NLRP8: variants seen among roughly 807,000 people sequenced by gnomAD.
NLRP8 encodes NLR family pyrin domain containing 8.
In NLRP8, 86 loss-of-function variants were observed where a neutral mutation model predicts 88.7. The observed-to-expected ratio is 0.97, with a 90% CI of 0.81 to 1.16. NLRP8 has a LOEUF of 1.16. NLRP8 is among the 50% of genes most tolerant of loss of function. The pLI is 0.00. For missense variants in NLRP8, 1,342 were observed against 1,286.5 expected (o/e 1.04, Z -0.66); for synonymous variants, 504 against 494.6 (o/e 1.02, Z -0.25).
chr19:55,961,659 A>G (rs548448362), intron 3 of NLRP8, among the ~76,000 whole-genome samples: 1 of 152,240 alleles, frequency 6.6e-6, no homozygotes, highest in South Asian at 2.1e-4. Flanking sequence ...AAAATCAGTC[A>G]GGTGTGGTGG....
At chr19:55,952,116 C>G (rs1349897457) in intron 1 of NLRP8, among the ~76,000 whole-genome samples, 1 of 152,064 alleles carries the variant, frequency 6.6e-6, no homozygotes, top group Non-Finnish European at 1.5e-5. Context: ...AGTTTATGTT[C>G]CATCCTCAGT....
rs755763329 is a variant in NLRP8 at position 55,954,501 on chromosome 19, G to C, written c.443G>C (p.Gly148Ala). 6.2e-7 allele frequency: 1 copy of C among 1,612,106 alleles called. No homozygotes were observed. The highest frequency in any genetic ancestry group is 8.5e-7 in the Non-Finnish European group (1 of 1,179,002). Residue 148 changes from glycine (G) to alanine (A), a missense_variant and splice_region_variant, in exon 3 of 10, where the codon GGT (glycine) becomes GCT (alanine). Coordinates refer to ENST00000291971, the MANE Select transcript of NLRP8 (RefSeq NM_176811.2). ...TATTTCTCCCATCTCACAAATCTAGGTAAAATACGGCGGTATAAATCGAAT... is the reference window on the plus strand; with the variant it reads ...TATTTCTCCCATCTCACAAATCTAGCTAAAATACGGCGGTATAAATCGAAT...
At chr19:55,975,874 TGTG>T (rs1980290170) in intron 7 of NLRP8, among the ~76,000 whole-genome samples, 1 of 152,136 alleles carries the variant, frequency 6.6e-6, no homozygotes, top group Non-Finnish European at 1.5e-5. Context: ...ATTCTAAAAT[TGTG>T]GTGATGATCA....
At position 55,988,536 on chromosome 19, in the gene NLRP8, T is replaced by C. The variant is rs1980980700; in HGVS notation, c.*623T>C. On this transcript the variant is annotated 3_prime_UTR_variant, in exon 10 of 10. Transcript: ENST00000291971. ...CAGGATATAGACAAAGTCTTCATCG[T>C]CTTCTTGCTTCTTCTACCTTTATTT... The C allele has an allele frequency of 6.6e-6, 1 of 150,434 alleles. No individual in the cohort carries two copies. The highest frequency in any genetic ancestry group is 1.5e-5 in the Non-Finnish European group (1 of 67,838). The allele number at this position is 150,434 out of a possible 1,614,324, so 9.3% of individuals were successfully genotyped here.
At position 55,955,580 on chromosome 19, in the gene NLRP8, G is replaced by A. The variant is rs1445062428; in HGVS notation, c.1522G>A (p.Val508Met). The A allele has an allele frequency of 1.2e-6, 2 of 1,614,124 alleles. No individual in the cohort carries two copies. The highest frequency in any genetic ancestry group is 3.3e-5 in the Admixed American group (2 of 59,992). Residue 508 changes from valine to methionine, a missense_variant, in exon 3 of 10, where the codon GTG (valine) becomes ATG (methionine). By Grantham distance (21) the Val-to-Met change is conservative. Coordinates refer to ENST00000291971, the MANE Select transcript of NLRP8 (RefSeq NM_176811.2). ...GGAAGACCACTATGTCTTTACCCTC[G>A]TGACTTTTCAGGAATTTTTTGCGGC...
intron 3 of NLRP8, among the ~76,000 whole-genome samples, chr19:55,960,485 C>T (rs548671706): frequency 6.6e-6 from 1 of 152,072 alleles, no homozygotes; most frequent in Non-Finnish European, 1.5e-5. Flanking sequence ...TGTTGGTCAC[C>T]CGACTAAGAC....
intron 6 of NLRP8, 111 bp downstream of exon 6, chr19:55,970,807 C>A: frequency 1.5e-6 from 2 of 1,358,990 alleles, no homozygotes; most frequent in South Asian, 1.4e-5. Flanking sequence ...TGTATAGGAG[C>A]AAACATAAGT....
intron 5 of NLRP8, among the ~76,000 whole-genome samples, chr19:55,968,914 G>A (rs1173955626): frequency 6.6e-6 from 1 of 152,122 alleles, no homozygotes; most frequent in Non-Finnish European, 1.5e-5. Context: ...GAAACATGAT[G>A]TCATGGTGCA....
In NLRP8 at chr19:55,987,937, G is replaced by T. The variant is rs757660758; in HGVS notation, c.*24G>T. 7.7e-6 allele frequency: 12 copies of T among 1,554,200 alleles called. No individual in the cohort carries two copies. The highest frequency in any genetic ancestry group is 1.7e-4 in the Middle Eastern group (1 of 6,006). ...AGGCCGTCCAGTCATCTTTCTCTGG[G>T]GCTTGATTGATCAGTTCCCACTCTG... On this transcript the variant is annotated 3_prime_UTR_variant, in exon 10 of 10. Transcript: ENST00000291971.
At chr19:55,954,427 T>G (rs888740050) in intron 2 of NLRP8, 74 bp from the exon 3 acceptor site, 1 of 1,455,344 alleles carries the variant, frequency 6.9e-7, no homozygotes, top group Non-Finnish European at 9.4e-7. Flanking sequence ...GAGACTGGTT[T>G]TCTTATTGCT....
intron 9 of NLRP8, among the ~76,000 whole-genome samples, chr19:55,987,537 T>G (rs1387708335): frequency 6.6e-6 from 1 of 152,184 alleles, no homozygotes; most frequent in Non-Finnish European, 1.5e-5. Context: ...TCTGACGGTG[T>G]TGTTTGTCCT....
Position 55,980,505 on chromosome 19 carries a change from G to A in NLRP8, c.3047+941G>A, listed in dbSNP as rs10421740. Among the ~76,000 whole-genome samples, 355 of 152,296 alleles carry A rather than the reference G, an allele frequency of 2.3e-3. 3 individuals carry two copies. Among genetic ancestry groups the A allele is most frequent in the African/African-American group, 8.2e-3 (339 of 41,564 alleles). On this transcript the variant is annotated intron_variant, in intron 9 of 9. Transcript: ENST00000291971. ...GAGGTTCTAGCTCATGGTATCTCCC[G>A]AGGTCTCAGTTGAGCCACTGGCTGG... is the stretch of plus-strand genomic sequence containing the variant.
At chr19:55,949,634 A>G (rs545599740) in intron 1 of NLRP8, among the ~76,000 whole-genome samples, 1 of 152,256 alleles carries the variant, frequency 6.6e-6, no homozygotes, top group Non-Finnish European at 1.5e-5. Context: ...CCCTGCAGAG[A>G]AGGGGGGACT....
intron 3 of NLRP8, among the ~76,000 whole-genome samples, chr19:55,958,435 T>A (rs545423009): frequency 6.6e-6 from 1 of 152,310 alleles, no homozygotes; most frequent in East Asian, 1.9e-4. Context: ...TGACAAGCAG[T>A]GTGCAGGGCT....
intron 3 of NLRP8, among the ~76,000 whole-genome samples, chr19:55,957,846 C>A (rs756281815): frequency 1.3e-5 from 2 of 151,508 alleles, no homozygotes; most frequent in Non-Finnish European, 2.9e-5. Context: ...TCCACTCGAC[C>A]AAAACTCTTC....
chr19:55,948,130 C>G lies in NLRP8; in HGVS notation c.228C>G (p.Val76=). 6.2e-7 allele frequency: 1 copy of G among 1,614,102 alleles called. No homozygotes were observed. The highest frequency in any genetic ancestry group is 1.3e-5 in the African/African-American group (1 of 75,026). ...CCATGCCCATCACCTGGGACCAGGT[C>G]GAGACAGCCAGCTGGGCAGAGGTGG... The change falls in exon 1 of 10, where the codon GTC becomes GTG. Residue 76 remains valine (V), a synonymous_variant. Coordinates refer to ENST00000291971, the MANE Select transcript of NLRP8 (RefSeq NM_176811.2).
intron 8 of NLRP8, 71 bp downstream of exon 8, chr19:55,976,374 A>T (rs778378718): frequency 1.1e-4 from 139 of 1,298,510 alleles, no homozygotes; most frequent in Non-Finnish European, 1.3e-4. Context: ...GATGGAATAT[A>T]TAACAGGAAA....
In NLRP8 at chr19:55,955,187, G is replaced by C. The variant is rs772876824; in HGVS notation, c.1129G>C (p.Asp377His). 6.2e-7 allele frequency: 1 copy of C among 1,614,022 alleles called. No homozygotes were observed. Among genetic ancestry groups the C allele is most frequent in the Non-Finnish European group, 8.5e-7 (1 of 1,180,004 alleles). The change falls in exon 3 of 10, where the codon GAC becomes CAC. Residue 377 changes from aspartate to histidine, a missense_variant. Coordinates refer to ENST00000291971, the MANE Select transcript of NLRP8 (RefSeq NM_176811.2). ...GTATTTTGGACACACAGAGGAGGGA[G>C]ACCAAGTCTTGAGTTTCGCCATGGA...
chr19:55,986,453 C>G (rs1980826526), intron 9 of NLRP8, among the ~76,000 whole-genome samples: 1 of 35,486 alleles, frequency 2.8e-5, no homozygotes, highest in Non-Finnish European at 5.1e-5. Flanking sequence ...CTCTCTCTCT[C>G]ACACACACAC....
Sources: allele counts gnomAD v4.1 joint callset (sites outside exome capture counted in the v4.1 genomes callset), GRCh38; gene constraint gnomAD v4.1.1; transcripts MANE v1.5; gene names NCBI Gene and HGNC (gene_info 2026-07-23, HGNC 2026-07-21).